EPHB1: variants seen among roughly 807,000 people sequenced by gnomAD.
EPHB1 encodes ephrin type-B receptor 1.
In EPHB1, 30 loss-of-function variants were observed where a neutral mutation model predicts 94.4. The ratio of observed to expected loss-of-function variants is 0.32; its 90% CI spans 0.24 to 0.43. The LOEUF is 0.43. Among genes scored for constraint, EPHB1 ranks in the 20% least tolerant of loss-of-function variants. EPHB1 has a pLI of 1.00. For synonymous variants in EPHB1, 522 were observed against 489.1 expected (o/e 1.07, Z -0.89); for missense variants, 1,055 against 1,308.3 (o/e 0.81, Z 2.99).
chr3:134,812,110 T>A (rs1430022136), intron 1 of EPHB1, among the ~76,000 whole-genome samples: 1 of 150,028 alleles, frequency 6.7e-6, no homozygotes, highest in Non-Finnish European at 1.5e-5. Flanking sequence ...TGAGTTGGGG[T>A]CCATTTTTGG....
Position 134,849,542 on chromosome 3 carries a change from G to A in EPHB1, c.58+53853G>A, listed in dbSNP as rs556196819. ...GGTGTTTGGCTTACGAGCATTTGCA[G>A]TTGAGATGGAGGTGGACTGGCACGT... is the stretch of plus-strand genomic sequence containing the variant. On this transcript the variant is annotated intron_variant, in intron 1 of 15. Transcript: ENST00000398015. Among the ~76,000 whole-genome samples the A allele has an allele frequency of 3.9e-5, 6 of 152,314 alleles. No individual in the cohort carries two copies. The East Asian group carries it at 1.2e-3, about 29-fold the overall frequency.
rs575353270 is a variant in EPHB1, at chr3:135,186,010, C to T, written c.1882+6028C>T. The stretch of plus-strand genomic sequence containing the variant: ...TCTTCTAAGTGTGATCAGTTATCAG[C>T]GTTAAGAAGGACAACAAGGACTGAG... On this transcript the variant is annotated intron_variant, in intron 10 of 15. Transcript: ENST00000398015. Among the ~76,000 whole-genome samples, 6 of 152,096 alleles carry T rather than the reference C, an allele frequency of 3.9e-5. No individual in the cohort carries two copies. The South Asian group carries it at 8.3e-4, about 21-fold the overall frequency.
chr3:135,120,828 A>G (rs1939928933), intron 4 of EPHB1, among the ~76,000 whole-genome samples: 1 of 152,186 alleles, frequency 6.6e-6, no homozygotes, highest in Admixed American at 6.5e-5. Context: ...TGCGGTCTCT[A>G]GAAAAAGATG....
intron 3 of EPHB1, among the ~76,000 whole-genome samples, chr3:135,004,662 T>C (rs1935323667): frequency 6.6e-6 from 1 of 151,718 alleles, no homozygotes; most frequent in Non-Finnish European, 1.5e-5. Flanking sequence ...TCGTTTCTTT[T>C]TATTCTTTTT....
intron 4 of EPHB1, among the ~76,000 whole-genome samples, chr3:135,121,458 C>T (rs574837782): frequency 6.6e-6 from 1 of 152,316 alleles, no homozygotes; most frequent in East Asian, 1.9e-4. Flanking sequence ...CCTGTAAGAC[C>T]TATTCCTCTG....
At position 135,260,073 on chromosome 3, in the gene EPHB1, C is replaced by T. The variant is rs1017080813; in HGVS notation, c.*953C>T. On this transcript the variant is annotated 3_prime_UTR_variant, in exon 16 of 16. Coordinates refer to ENST00000398015, the MANE Select transcript of EPHB1 (RefSeq NM_004441.5). Reference sequence around the variant, plus strand: ...AAAAAAAAAAGTTTGCAAATTCAGACAGGAAACAGGTGAGTGGTTTGAATT... The same window carrying T: ...AAAAAAAAAAGTTTGCAAATTCAGATAGGAAACAGGTGAGTGGTTTGAATT... 6.4e-5 allele frequency: 15 copies of T among 232,786 alleles called. No individual in the cohort carries two copies. Among genetic ancestry groups the T allele is most frequent in the Non-Finnish European group, 1.1e-4 (13 of 117,568 alleles). 14.4% of individuals were successfully genotyped at this position (232,786 alleles called of 1,614,324 possible).
chr3:135,154,207 C>G lies in EPHB1; in HGVS notation c.1353C>G (p.Thr451=). The stretch of plus-strand genomic sequence containing the variant: ...TCAGTGCCACTATGAGGAGCATCAC[C>G]TTGTCATGGCCACAGCCGGAGCAGC... The part of the protein sequence containing the change: ...HQVSATMRSI[T]LSWPQPEQPN... The change falls in exon 6 of 16, where the codon ACC becomes ACG. Residue 451 remains threonine, a synonymous_variant. Transcript: ENST00000398015. 1 of 1,614,034 alleles carries G rather than the reference C, an allele frequency of 6.2e-7. No individual in the cohort carries two copies. Among genetic ancestry groups the G allele is most frequent in the Non-Finnish European group, 8.5e-7 (1 of 1,179,884 alleles).
At chr3:135,172,165 G>A (rs1047096171) in intron 9 of EPHB1, among the ~76,000 whole-genome samples, 5 of 152,304 alleles carry the variant, frequency 3.3e-5, no homozygotes, top group African/African-American at 1.2e-4. Context: ...GCAGTGGCAA[G>A]TTCTGATCTG....
At chr3:134,964,882 T>C (rs1466058012) in intron 3 of EPHB1, among the ~76,000 whole-genome samples, 1 of 152,242 alleles carries the variant, frequency 6.6e-6, no homozygotes, top group African/African-American at 2.4e-5. Flanking sequence ...TTTCCATTCA[T>C]TGTTTTTATT....
intron 9 of EPHB1, among the ~76,000 whole-genome samples, chr3:135,178,782 GC>G (rs1436722040): frequency 6.6e-6 from 1 of 151,996 alleles, no homozygotes; most frequent in Non-Finnish European, 1.5e-5. Flanking sequence ...GCTTTTTTAG[GC>G]CTGCCTTCCC....
intron 3 of EPHB1, among the ~76,000 whole-genome samples, chr3:134,959,069 G>A (rs1047253025): frequency 1.3e-5 from 2 of 152,126 alleles, no homozygotes; most frequent in African/African-American, 4.8e-5. Context: ...GTTTGAACTT[G>A]GTCATCCATG....
intron 12 of EPHB1, among the ~76,000 whole-genome samples, chr3:135,206,261 T>C (rs982960795): frequency 7.2e-5 from 11 of 152,244 alleles, no homozygotes; most frequent in Non-Finnish European, 1.3e-4. Context: ...CACTTGTTGA[T>C]AGACACCAGG....
chr3:134,835,483 CT>C (rs1483957880), intron 1 of EPHB1, among the ~76,000 whole-genome samples: 1 of 152,198 alleles, frequency 6.6e-6, no homozygotes, highest in Non-Finnish European at 1.5e-5. Flanking sequence ...GTGCCAGTGC[CT>C]TTACTTGCAT....
chr3:135,255,444 ATCTT>A (rs1443242625), intron 15 of EPHB1, among the ~76,000 whole-genome samples: 2 of 138,638 alleles, frequency 1.4e-5, no homozygotes, highest in African/African-American at 5.4e-5. Flanking sequence ...TTCAAAGAAC[ATCTT>A]TATTTCTGCC....
intron 1 of EPHB1, among the ~76,000 whole-genome samples, chr3:134,884,529 T>G (rs768549441): frequency 6.6e-6 from 1 of 152,220 alleles, no homozygotes; most frequent in Non-Finnish European, 1.5e-5. Flanking sequence ...GAGAATATGG[T>G]GGCTTATAAT....
intron 12 of EPHB1, among the ~76,000 whole-genome samples, chr3:135,204,580 A>G (rs2107714087): frequency 6.6e-6 from 1 of 151,836 alleles, no homozygotes; most frequent in South Asian, 2.1e-4. Flanking sequence ...GGCTCATTGC[A>G]GCTTCCGCCT....
At chr3:135,121,209 C>T (rs917554857) in intron 4 of EPHB1, among the ~76,000 whole-genome samples, 1 of 152,188 alleles carries the variant, frequency 6.6e-6, no homozygotes, top group Admixed American at 6.5e-5. Context: ...AGGCTTTCAT[C>T]GTATGTGACC....
At chr3:135,083,164 C>T (rs1938221771) in intron 3 of EPHB1, among the ~76,000 whole-genome samples, 1 of 152,116 alleles carries the variant, frequency 6.6e-6, no homozygotes, top group South Asian at 2.1e-4. Flanking sequence ...GGCCTGATGA[C>T]CCCATTGGAG....
At chr3:134,983,338 G>A (rs1026548417) in intron 3 of EPHB1, among the ~76,000 whole-genome samples, 2 of 152,232 alleles carry the variant, frequency 1.3e-5, no homozygotes, top group South Asian at 4.1e-4. Flanking sequence ...TTGCTATTTA[G>A]CAATTAACCA....
Sources: allele counts gnomAD v4.1 joint callset (sites outside exome capture counted in the v4.1 genomes callset), GRCh38; gene constraint gnomAD v4.1.1; transcripts MANE v1.5; gene names NCBI Gene and HGNC (gene_info 2026-07-23, HGNC 2026-07-21).